Variants in IL26 observed in about 807,000 individuals in gnomAD.
The protein encoded by IL26 is interleukin 26.
IL26 carries 23 observed loss-of-function variants against 21.7 expected under a neutral mutation model. The ratio of observed to expected loss-of-function variants is 1.06; its 90% CI spans 0.76 to 1.50. The LOEUF (loss-of-function observed/expected upper bound fraction) is 1.50, where lower values mean the gene tolerates loss of function less well. Ranked by LOEUF, IL26 falls within the 40% of genes most tolerant of loss-of-function variation. The probability of loss-of-function intolerance (pLI) is 0.00; values close to 1 mark genes in which losing one functional copy is unlikely to be tolerated. For missense variants in IL26, 204 were observed against 196.0 expected (o/e 1.04, Z -0.24); for synonymous variants, 63 against 67.8 (o/e 0.93, Z 0.34).
intron 3 of IL26, among the ~76,000 whole-genome samples, chr12:68,202,613 T>G (rs932194297): frequency 6.6e-6 from 1 of 152,120 alleles, no homozygotes; most frequent in African/African-American, 2.4e-5. Flanking sequence ...TTTTAAACCA[T>G]CAGATTTCAT....
intron 3 of IL26, 71 bp downstream of exon 3, chr12:68,225,074 GAGAC>G: frequency 6.9e-7 from 1 of 1,459,538 alleles, no homozygotes; most frequent in South Asian, 1.4e-5. Context: ...CCTTTGGTGT[GAGAC>G]AGATTCTTAC....
chr12:68,211,950 C>T (rs1389495500), intron 3 of IL26, among the ~76,000 whole-genome samples: 1 of 151,874 alleles, frequency 6.6e-6, no homozygotes, highest in East Asian at 1.9e-4. Flanking sequence ...AAAAAAATCT[C>T]TGCCCAGACC....
chr12:68,205,926 T>G (rs1193005681), intron 3 of IL26, among the ~76,000 whole-genome samples: 1 of 152,240 alleles, frequency 6.6e-6, no homozygotes, highest in Non-Finnish European at 1.5e-5. Flanking sequence ...CGTCTGGCAC[T>G]GGTTCAGAAA....
At chr12:68,206,759 A>G (rs1468865120) in intron 3 of IL26, among the ~76,000 whole-genome samples, 1 of 152,208 alleles carries the variant, frequency 6.6e-6, no homozygotes, top group Admixed American at 6.5e-5. Flanking sequence ...TTTCCAGAAT[A>G]GGACACTTCC....
intron 3 of IL26, among the ~76,000 whole-genome samples, chr12:68,213,600 A>G (rs2120449427): frequency 6.6e-6 from 1 of 152,162 alleles, no homozygotes; most frequent in South Asian, 2.1e-4. Context: ...TAATCTTGAT[A>G]GGTTGCATGT....
At chr12:68,212,520 A>G (rs999757217) in intron 3 of IL26, among the ~76,000 whole-genome samples, 5 of 152,082 alleles carry the variant, frequency 3.3e-5, no homozygotes, top group Non-Finnish European at 5.9e-5. Context: ...TCAATGAAGG[A>G]GCATTGAATA....
chr12:68,223,436 A>T (rs1348973629), intron 3 of IL26, among the ~76,000 whole-genome samples: 3 of 152,186 alleles, frequency 2.0e-5, no homozygotes, highest in East Asian at 1.9e-4. Context: ...TCCTAGACAT[A>T]TCCAGGTTTC....
At chr12:68,219,887 A>G (rs1178214430) in intron 3 of IL26, among the ~76,000 whole-genome samples, 2 of 152,064 alleles carry the variant, frequency 1.3e-5, no homozygotes, top group East Asian at 1.9e-4. Context: ...AAGTGACATC[A>G]TCCTGTACTA....
chr12:68,220,225 G>C (rs765747621), intron 3 of IL26, among the ~76,000 whole-genome samples: 4 of 152,106 alleles, frequency 2.6e-5, no homozygotes, highest in Non-Finnish European at 5.9e-5. Flanking sequence ...GATTATGCTA[G>C]TATCAAAGTG....
intron 3 of IL26, 50 bp downstream of exon 3, chr12:68,225,099 C>A: frequency 6.5e-7 from 1 of 1,547,598 alleles, no homozygotes; most frequent in South Asian, 1.2e-5. Context: ...ATGCTGACTT[C>A]TAAACAGGTT....
At chr12:68,211,699 A>G (rs367806785) in intron 3 of IL26, among the ~76,000 whole-genome samples, 34 of 152,168 alleles carry the variant, frequency 2.2e-4, no homozygotes, top group African/African-American at 7.5e-4. Context: ...ATGTCTATTC[A>G]GATCTTTTTC....
At position 68,202,094 on chromosome 12, in the gene IL26, A is replaced by C. The variant is rs1244801838; in HGVS notation, c.364-11T>G. 1 of 1,523,798 alleles carries C rather than the reference A, an allele frequency of 6.6e-7. No homozygotes were observed. The highest frequency in any genetic ancestry group is 1.2e-5 in the South Asian group (1 of 82,682). 94.4% of individuals were successfully genotyped at this position (1,523,798 alleles called of 1,614,324 possible). On this transcript the variant is annotated splice_polypyrimidine_tract_variant and intron_variant, in intron 3 of 4. Transcript: ENST00000229134. ...TGAAGCACAGGAAATCTAAGAAATC[A>C]ACAGTAATTACAGATAATATTGTTG...
rs112206203 is a variant in IL26 at position 68,204,691 on chromosome 12, A to T, written c.364-2608T>A. ...AGGAGGAAAACACTGTTCAATTAAA[A>T]AAAAAAACTAGCAGTGCCAGTGTTG... On this transcript the variant is annotated intron_variant, in intron 3 of 4. Coordinates refer to ENST00000229134, the MANE Select transcript of IL26 (RefSeq NM_018402.2). Among the ~76,000 whole-genome samples the T allele has an allele frequency of 7.3e-3, 1,105 of 152,236 alleles. 12 individuals carry two copies. Among genetic ancestry groups the T allele is most frequent in the African/African-American group, 0.025 (1,028 of 41,536 alleles).
intron 3 of IL26, among the ~76,000 whole-genome samples, chr12:68,224,285 TTTTTGTTTTGTTTTGTTTTGTTTTG>T (rs60633848): frequency 6.8e-6 from 1 of 148,010 alleles, no homozygotes; most frequent in African/African-American, 2.5e-5. Flanking sequence ...TGGCTCAGTG[TTTTTGTTTTGTTTTGTTTTGTTTTG>T]TTTTGTTTTG....
rs79765179 is a variant in IL26 at position 68,205,091 on chromosome 12, A to C, written c.364-3008T>G. ...TTATTGGTAGGGCTAGAATAACTAG[A>C]AATCAGCTCAGAGAAAAATGTGAGA... On this transcript the variant is annotated intron_variant, in intron 3 of 4. Transcript: ENST00000229134. Among the ~76,000 whole-genome samples the C allele has an allele frequency of 4.3e-3, 652 of 152,328 alleles. 6 individuals carry two copies. The highest frequency in any genetic ancestry group is 0.014 in the African/African-American group (588 of 41,586).
At chr12:68,225,530 A>G (rs549364622) in intron 1 of IL26, 30 bp from the exon 2 acceptor site, 6 of 1,602,412 alleles carry the variant, frequency 3.7e-6, no homozygotes, top group South Asian at 1.1e-5. Flanking sequence ...AATAAGTTGT[A>G]TCCAAGATTG....
At chr12:68,225,078 C>G in intron 3 of IL26, 71 bp downstream of exon 3, 2 of 1,478,120 alleles carry the variant, frequency 1.4e-6, no homozygotes, top group Non-Finnish European at 1.8e-6. Flanking sequence ...TGGTGTGAGA[C>G]AGATTCTTAC....
At chr12:68,208,360 C>T (rs945050115) in intron 3 of IL26, among the ~76,000 whole-genome samples, 2 of 152,152 alleles carry the variant, frequency 1.3e-5, no homozygotes, top group African/African-American at 4.8e-5. Context: ...AGCTGAATAC[C>T]TCGGACTAAA....
At chr12:68,210,129 A>G (rs1868666308) in intron 3 of IL26, among the ~76,000 whole-genome samples, 1 of 151,986 alleles carries the variant, frequency 6.6e-6, no homozygotes, top group Admixed American at 6.6e-5. Flanking sequence ...TAAGAGTGAC[A>G]GATAAGAGAT....
Sources: gnomAD v4.1 joint callset for allele counts (sites outside exome capture counted in the v4.1 genomes callset) on GRCh38, gnomAD v4.1.1 for gene constraint, MANE v1.5 for transcripts, NCBI Gene and HGNC (gene_info 2026-07-23, HGNC 2026-07-21) for gene names.